The following RAB37 variants were observed in gnomAD, a reference collection of about 807,000 sequenced individuals.
RAB37 encodes the protein RAB37, member RAS oncogene family, also known as ras-related protein Rab-37.
A neutral mutation model predicts 33.1 loss-of-function variants in RAB37; 29 were observed. That is an observed-to-expected ratio of 0.88 (90% CI 0.65 to 1.20). The LOEUF (loss-of-function observed/expected upper bound fraction) is 1.20. Ranked by LOEUF, RAB37 falls within the 50% of genes most tolerant of loss-of-function variation. RAB37 has a pLI of 0.00. For missense variants in RAB37, 299 were observed against 301.1 expected (o/e 0.99, Z 0.05); for synonymous variants, 128 against 119.5 (o/e 1.07, Z -0.47).
In RAB37 at chr17:74,676,310, A is replaced by G. The variant is rs567447342; in HGVS notation, c.72+4652A>G. 2.0e-5 allele frequency among the ~76,000 whole-genome samples: 3 copies of G among 152,246 alleles called. No individual in the cohort carries two copies. Among genetic ancestry groups the G allele is most frequent in the South Asian group, 2.1e-4 (1 of 4,816 alleles). ...GCTTCCAGAGGGACGAACAATTCCT[A>G]GGACAAAGTCAGTCTCAGAAAGACT... On this transcript the variant is annotated intron_variant, in intron 1 of 7. Coordinates refer to the RAB37 transcript ENST00000340415. The surrounding 1 kb of genome is among the most constrained non-coding windows in gnomAD (Gnocchi z 4.1).
intron 1 of RAB37, among the ~76,000 whole-genome samples, chr17:74,675,091 T>C (rs1450567874): frequency 6.6e-6 from 1 of 152,206 alleles, no homozygotes; most frequent in Non-Finnish European, 1.5e-5. Flanking sequence ...TGAGCAAGGA[T>C]GTTAGCGAAT....
intron 1 of RAB37, among the ~76,000 whole-genome samples, chr17:74,708,957 G>A (rs1484233194): frequency 6.6e-6 from 1 of 151,064 alleles, no homozygotes; most frequent in African/African-American, 2.4e-5. Flanking sequence ...AGGCACGGTG[G>A]TTTACACCTG....
chr17:74,679,970 T>C, intron 1 of RAB37, among the ~76,000 whole-genome samples: 1 of 87,600 alleles, frequency 1.1e-5, no homozygotes, highest in Non-Finnish European at 2.4e-5. Flanking sequence ...ACAGCAAGGC[T>C]CTGTCTCAAA....
chr17:74,744,304 A>G lies in RAB37; in HGVS notation c.367-4A>G. On this transcript the variant is annotated splice_polypyrimidine_tract_variant and splice_region_variant and intron_variant, in intron 5 of 8. Transcript: ENST00000392613. This position sits in a 1 kb window ranked among gnomAD's most constrained non-coding sequence, Gnocchi z 4.2. ...ATGCCAGTCTCGCACGCCCTCTCCC[A>G]CAGGCCTGGCTCACTGAGATTCATG... 1 of 1,612,616 alleles carries G rather than the reference A, an allele frequency of 6.2e-7. No homozygotes were observed. The highest frequency in any genetic ancestry group is 8.5e-7 in the Non-Finnish European group (1 of 1,179,190).
At position 74,744,539 on chromosome 17, in the gene RAB37, C is replaced by G; in HGVS notation, c.432+166C>G. 3 of 685,502 alleles carry G rather than the reference C, an allele frequency of 4.4e-6. No individual in the cohort carries two copies. The highest frequency in any genetic ancestry group is 7.5e-6 in the Non-Finnish European group (3 of 398,050). 42.5% of individuals were successfully genotyped at this position (685,502 alleles called of 1,614,324 possible). A position where few individuals can be genotyped will look rare whatever the true frequency, so the allele number is the denominator to read the frequency against. On this transcript the variant is annotated intron_variant, in intron 6 of 8. Transcript: ENST00000392613. This position sits in a 1 kb window ranked among gnomAD's most constrained non-coding sequence, Gnocchi z 4.2. The stretch of plus-strand genomic sequence containing the variant: ...GGAGGCTTCTGCCCATCCCATCTGC[C>G]CCTTCCAGGGAAAGTCCAAGTTGTT...
intron 2 of RAB37, among the ~76,000 whole-genome samples, chr17:74,741,530 G>A (rs1181809017): frequency 2.0e-5 from 3 of 150,084 alleles, no homozygotes; most frequent in African/African-American, 7.4e-5. Flanking sequence ...AGGTTGCAGT[G>A]AGCTGAGATC....
chr17:74,683,214 C>G (rs750335347), intron 1 of RAB37, among the ~76,000 whole-genome samples: 5 of 152,320 alleles, frequency 3.3e-5, no homozygotes, highest in Non-Finnish European at 5.9e-5. Flanking sequence ...ATTGGGGCTG[C>G]AGAGCCAGAC....
rs147544502 is a variant in RAB37, at chr17:74,731,774, G to C, written c.183+2408G>C. ...TGTAATCCCAGCACTTTGGGAGGCC[G>C]AGGCGGGCGGATCACTTGAGGCCAG... On this transcript the variant is annotated intron_variant, in intron 2 of 7. Transcript: ENST00000340415. Among the ~76,000 whole-genome samples, 232 of 152,224 alleles carry C rather than the reference G, an allele frequency of 1.5e-3. 5 individuals carry two copies. In the East Asian group the frequency reaches 0.027, roughly 18 times the overall value.
In RAB37 at chr17:74,714,978, C is replaced by T. The variant is rs560254894; in HGVS notation, c.73-14278C>T. Among the ~76,000 whole-genome samples the T allele has an allele frequency of 2.9e-3, 437 of 152,170 alleles. 2 individuals carry two copies. Among genetic ancestry groups the T allele is most frequent in the Middle Eastern group, 0.014 (4 of 294 alleles). On this transcript the variant is annotated intron_variant, in intron 1 of 7. Transcript: ENST00000340415. ...CTCTACTAAAAATACAAAACTTAGC[C>T]GGGTGTGGTGGTGGGTGCTTATAAT...
chr17:74,744,783 G>C lies in RAB37; in HGVS notation c.433-90G>C. On this transcript the variant is annotated intron_variant, in intron 6 of 8. Coordinates refer to ENST00000392613, the MANE Select transcript of RAB37 (RefSeq NM_001006638.3). The surrounding 1 kb of genome is among the most constrained non-coding windows in gnomAD (Gnocchi z 4.2). ...CCTGCAGTCCCTTGGGCCACCAGCA[G>C]AGGGCAGGCAACGCCTGCTTCTGGG... The C allele has an allele frequency of 6.7e-7, 1 of 1,483,728 alleles. No individual in the cohort carries two copies. Among genetic ancestry groups the C allele is most frequent in the Non-Finnish European group, 9.4e-7 (1 of 1,061,600 alleles). 91.9% of individuals were successfully genotyped at this position (1,483,728 alleles called of 1,614,324 possible). A position where few individuals can be genotyped will look rare whatever the true frequency, so the allele number is the denominator to read the frequency against.
chr17:74,672,475 T>C (rs1367389923), intron 1 of RAB37, among the ~76,000 whole-genome samples: 1 of 152,178 alleles, frequency 6.6e-6, no homozygotes, highest in Non-Finnish European at 1.5e-5. Flanking sequence ...CTGTACGTGA[T>C]CCTATAGGTG....
chr17:74,677,231 C>T (rs1409341925), intron 1 of RAB37: 1 of 152,098 alleles, frequency 6.6e-6, no homozygotes, highest in East Asian at 1.9e-4. Flanking sequence ...CAGCTAGCTC[C>T]CTCCCCATGG....
intron 1 of RAB37, chr17:74,695,727 T>A (rs1211255563): frequency 6.2e-7 from 1 of 1,613,960 alleles, no homozygotes; most frequent in East Asian, 2.2e-5. Context: ...GGACGCACCA[T>A]GGTGACATAT....
intron 1 of RAB37, among the ~76,000 whole-genome samples, chr17:74,692,776 C>A (rs985259702): frequency 1.3e-5 from 2 of 152,198 alleles, no homozygotes; most frequent in African/African-American, 4.8e-5. Flanking sequence ...TGCTTCTGGG[C>A]AGTCAATCCT....
chr17:74,731,883 G>C (rs778938055), intron 2 of RAB37, among the ~76,000 whole-genome samples: 2 of 151,938 alleles, frequency 1.3e-5, no homozygotes, highest in Non-Finnish European at 2.9e-5. Context: ...GGTGGCACAC[G>C]CCTGTAATCC....
At position 74,712,771 on chromosome 17, in the gene RAB37, A is replaced by C. The variant is rs528248402; in HGVS notation, c.73-16485A>C. 8 of 1,604,042 alleles carry C rather than the reference A, an allele frequency of 5.0e-6. No individual in the cohort carries two copies. In the Admixed American group the frequency reaches 1.3e-4, roughly 27 times the overall value. On this transcript the variant is annotated intron_variant, in intron 1 of 7. Coordinates refer to the RAB37 transcript ENST00000340415. ...GGGTCCCTTCTTCCCTCTCTCAGCCACCTCCTCCTGCTTGCTAAGCTTCCC... is the reference window on the plus strand; with the variant it reads ...GGGTCCCTTCTTCCCTCTCTCAGCCCCCTCCTCCTGCTTGCTAAGCTTCCC...
chr17:74,712,819 C>T (rs2143973462), intron 1 of RAB37: 1 of 1,614,028 alleles, frequency 6.2e-7, no homozygotes, highest in Non-Finnish European at 8.5e-7. Flanking sequence ...CCCAGGCCCG[C>T]TCACCTGAGA....
At chr17:74,704,632 C>G (rs2033359257) in intron 1 of RAB37, 1 of 1,614,226 alleles carries the variant, frequency 6.2e-7, no homozygotes. Flanking sequence ...CCCGGTCCCT[C>G]TTCACCTCCT....
chr17:74,677,395 T>C (rs975640164), intron 1 of RAB37: 1 of 151,730 alleles, frequency 6.6e-6, no homozygotes, highest in African/African-American at 2.4e-5. Flanking sequence ...CAGGTGCTTC[T>C]TTTATTTTTT....
Sources: allele counts gnomAD v4.1 joint callset (sites outside exome capture counted in the v4.1 genomes callset), GRCh38; gene constraint gnomAD v4.1.1; non-coding constraint Gnocchi (gnomAD v3.1); transcripts MANE v1.5; gene names NCBI Gene and HGNC (gene_info 2026-07-23, HGNC 2026-07-21).